SEMA3D: variants seen among roughly 807,000 people sequenced by gnomAD.
SEMA3D encodes semaphorin 3D.
Under a neutral mutation model 100.1 loss-of-function variants are expected in SEMA3D, and 84 were observed. The observed-to-expected ratio is 0.84, with a 90% CI of 0.70 to 1.01. The LOEUF (loss-of-function observed/expected upper bound fraction) is 1.01. SEMA3D is among the 50% of genes least tolerant of loss of function. SEMA3D has a pLI of 0.00. For synonymous variants in SEMA3D, 312 were observed against 320.7 expected (o/e 0.97, Z 0.29); for missense variants, 875 against 934.1 (o/e 0.94, Z 0.82).
At chr7:85,130,824 G>A (rs565678206) in intron 2 of SEMA3D, among the ~76,000 whole-genome samples, 6 of 152,086 alleles carry the variant, frequency 3.9e-5, no homozygotes, top group East Asian at 1.9e-4. Flanking sequence ...CATATCTTCC[G>A]TAACTCTTCT....
chr7:85,206,762 A>G, the SEMA3D span, among the ~76,000 whole-genome samples: 3 of 152,012 alleles, frequency 2.0e-5, no homozygotes, highest in Non-Finnish European at 2.9e-5. Context: ...ATGGGCCTGG[A>G]GAGGAGGAGG....
intron 1 of SEMA3D, among the ~76,000 whole-genome samples, chr7:85,165,205 T>TA (rs1353370536): frequency 1.1e-5 from 1 of 88,424 alleles, no homozygotes; most frequent in African/African-American, 5.6e-5. Context: ...CCCTAAAACT[T>TA]AAAGTATAAT....
At chr7:85,173,478 G>A (rs1206463527) in intron 1 of SEMA3D, among the ~76,000 whole-genome samples, 1 of 152,018 alleles carries the variant, frequency 6.6e-6, no homozygotes, top group African/African-American at 2.4e-5. Context: ...AAACAGATGG[G>A]ATACTCAATT....
chr7:85,141,579 C>G, intron 2 of SEMA3D: 3 of 984,312 alleles, frequency 3.0e-6, no homozygotes, highest in Non-Finnish European at 3.6e-6. Flanking sequence ...ATTTAAATTA[C>G]TTAAGTTCCC....
chr7:85,094,271 TC>T (rs1488117764), intron 4 of SEMA3D, among the ~76,000 whole-genome samples: 1 of 151,970 alleles, frequency 6.6e-6, no homozygotes, highest in East Asian at 1.9e-4. Flanking sequence ...TTATTCAAGT[TC>T]CTAAGAAAAA....
chr7:85,021,643 A>G (rs1790260289), intron 13 of SEMA3D, among the ~76,000 whole-genome samples: 1 of 151,798 alleles, frequency 6.6e-6, no homozygotes, highest in South Asian at 2.1e-4. Context: ...TGTTTGTTGA[A>G]AATTCTTAAT....
the SEMA3D span, among the ~76,000 whole-genome samples, chr7:85,200,540 A>C: frequency 6.6e-6 from 1 of 152,136 alleles, no homozygotes; most frequent in Non-Finnish European, 1.5e-5. Flanking sequence ...TCAAGAGGAG[A>C]CTTGGGTGCT....
intron 1 of SEMA3D, among the ~76,000 whole-genome samples, chr7:85,161,302 G>T (rs1032041593): frequency 2.0e-5 from 3 of 151,956 alleles, no homozygotes; most frequent in African/African-American, 7.2e-5. Flanking sequence ...CTTTGTGTTG[G>T]TTTGCAAATT....
At chr7:85,134,669 C>G (rs1424521516) in intron 2 of SEMA3D, among the ~76,000 whole-genome samples, 1 of 152,000 alleles carries the variant, frequency 6.6e-6, no homozygotes, top group African/African-American at 2.4e-5. Flanking sequence ...AAGCTTAACA[C>G]AGTCTCTGGT....
At chr7:85,244,237 A>C in the SEMA3D span, among the ~76,000 whole-genome samples, 1 of 152,166 alleles carries the variant, frequency 6.6e-6, no homozygotes, top group East Asian at 1.9e-4. Context: ...TAGAAGCTGC[A>C]CTCACCTATA....
At chr7:85,011,392 A>G (rs948456861) in intron 17 of SEMA3D, among the ~76,000 whole-genome samples, 1 of 151,838 alleles carries the variant, frequency 6.6e-6, no homozygotes, top group Non-Finnish European at 1.5e-5. Context: ...GCAGTGGGTT[A>G]TAGCATGAAT....
chr7:85,155,205 G>GT (rs1382600938), intron 1 of SEMA3D, among the ~76,000 whole-genome samples: 1 of 151,876 alleles, frequency 6.6e-6, no homozygotes, highest in African/African-American at 2.4e-5. Context: ...CTTAAAAAAA[G>GT]TTTTTCAAAG....
chr7:85,061,417 A>G (rs1225089392), intron 8 of SEMA3D, among the ~76,000 whole-genome samples: 1 of 152,188 alleles, frequency 6.6e-6, no homozygotes, highest in Non-Finnish European at 1.5e-5. Flanking sequence ...CTGTATCAAG[A>G]ATTTTAAACC....
chr7:85,070,432 C>T (rs1286396143), intron 6 of SEMA3D, among the ~76,000 whole-genome samples: 1 of 152,174 alleles, frequency 6.6e-6, no homozygotes, highest in African/African-American at 2.4e-5. Flanking sequence ...ATAGCAGTCC[C>T]TGAAGTATAC....
the SEMA3D span, among the ~76,000 whole-genome samples, chr7:85,219,055 T>G: frequency 6.6e-6 from 1 of 152,092 alleles, no homozygotes; most frequent in African/African-American, 2.4e-5. Context: ...TTGTAGAACT[T>G]TTAAATAAAA....
intron 5 of SEMA3D, among the ~76,000 whole-genome samples, chr7:85,076,407 C>T (rs1791923474): frequency 6.6e-6 from 1 of 152,064 alleles, no homozygotes; most frequent in Non-Finnish European, 1.5e-5. Flanking sequence ...AAACTGAATT[C>T]ATACTTGCAG....
chr7:85,163,633 A>G (rs1583981400), intron 1 of SEMA3D, among the ~76,000 whole-genome samples: 1 of 152,122 alleles, frequency 6.6e-6, no homozygotes, highest in African/African-American at 2.4e-5. Flanking sequence ...CTGATCCAAG[A>G]CAATTTACTA....
At chr7:85,023,326 C>T (rs999143550) in intron 12 of SEMA3D, among the ~76,000 whole-genome samples, 6 of 151,740 alleles carry the variant, frequency 4.0e-5, no homozygotes, top group African/African-American at 4.8e-5. Context: ...TTTTATGTGC[C>T]TTTATCCAAA....
the SEMA3D span, among the ~76,000 whole-genome samples, chr7:85,231,808 C>CT: frequency 3.9e-3 from 595 of 152,118 alleles, 5 homozygotes; most frequent in African/African-American, 0.014. Flanking sequence ...ATTTTTCCAT[C>CT]TTTTTTTTCA....
Sources: allele counts gnomAD v4.1 joint callset (sites outside exome capture counted in the v4.1 genomes callset), GRCh38; gene constraint gnomAD v4.1.1; transcripts MANE v1.5; gene names NCBI Gene and HGNC (gene_info 2026-07-23, HGNC 2026-07-21).